The following GAL3ST1 variants were observed in gnomAD, a reference collection of about 807,000 sequenced individuals.
GAL3ST1 encodes galactose-3-O-sulfotransferase 1, also known as galactosylceramide sulfotransferase.
In GAL3ST1, 13 loss-of-function variants were observed where a neutral mutation model predicts 25.0. The observed-to-expected ratio is 0.52, with a 90% CI of 0.34 to 0.83. GAL3ST1 has a LOEUF of 0.83. GAL3ST1 is among the 40% of genes least tolerant of loss of function. The pLI, the probability that GAL3ST1 is intolerant of heterozygous loss-of-function variation, is 0.02. For missense variants in GAL3ST1, 474 were observed against 613.6 expected, an observed-to-expected ratio of 0.77 and a Z score of 2.40; for synonymous variants, 274 against 277.8, an observed-to-expected ratio of 0.99 and a Z score of 0.14.
At chr22:30,570,428 A>G (rs953811697) in intron 1 of GAL3ST1, among the ~76,000 whole-genome samples, 5 of 152,234 alleles carry the variant, frequency 3.3e-5, no homozygotes, top group African/African-American at 1.2e-4. Context: ...CCACTGCAGT[A>G]TCATTTCCTC....
chr22:30,572,306 A>G (rs1389985941), intron 1 of GAL3ST1, among the ~76,000 whole-genome samples: 3 of 152,236 alleles, frequency 2.0e-5, no homozygotes, highest in African/African-American at 7.2e-5. Flanking sequence ...AGGTATTGAC[A>G]CTTGCAATGC....
At position 30,574,641 on chromosome 22, in the gene GAL3ST1, C is replaced by T. The variant is rs1219752288; in HGVS notation, c.-295G>A. 6.8e-6 allele frequency: 1 copy of T among 146,352 alleles called. No individual in the cohort carries two copies. The highest frequency in any genetic ancestry group is 1.5e-5 in the Non-Finnish European group (1 of 65,488). 9.1% of individuals were successfully genotyped at this position (146,352 alleles called of 1,614,324 possible). A position where few individuals can be genotyped will look rare whatever the true frequency, so the allele number is the denominator to read the frequency against. On this transcript the variant is annotated 5_prime_UTR_variant, in exon 1 of 4. Transcript: ENST00000406361. ...CGCCCGCTCCCGCGCCGCGCCCGCT[C>T]CCGGCCAGGTGCCGCCGCCAGCCTG...
At chr22:30,570,003 A>T (rs1387473445) in intron 1 of GAL3ST1, among the ~76,000 whole-genome samples, 1 of 152,070 alleles carries the variant, frequency 6.6e-6, no homozygotes, top group East Asian at 1.9e-4. Context: ...GGACCCCTTG[A>T]ACCCAGAAGT....
At chr22:30,559,716 G>A (rs144143348) in intron 1 of GAL3ST1, among the ~76,000 whole-genome samples, 1 of 152,276 alleles carries the variant, frequency 6.6e-6, no homozygotes, top group African/African-American at 2.4e-5. Flanking sequence ...ATCTAAGCGT[G>A]GCAACCCTAT....
At chr22:30,566,802 G>A (rs1315836943) in intron 1 of GAL3ST1, among the ~76,000 whole-genome samples, 1 of 151,852 alleles carries the variant, frequency 6.6e-6, no homozygotes, top group African/African-American at 2.4e-5. Context: ...GTAGAGACGG[G>A]GTTTCACCGT....
chr22:30,567,333 C>A lies in GAL3ST1; in HGVS notation c.-120+7133G>T, dbSNP rs574189632. Among the ~76,000 whole-genome samples the A allele has an allele frequency of 1.2e-3, 186 of 152,210 alleles. 1 individual carries two copies. Among genetic ancestry groups the A allele is most frequent in the African/African-American group, 4.0e-3 (168 of 41,510 alleles). ...TGTCACCCAGGCTGGAGTACAGTGG[C>A]GTGATCATGACTCACTGCAGCCTCA... On this transcript the variant is annotated intron_variant, in intron 1 of 3. Coordinates refer to ENST00000406361, the MANE Select transcript of GAL3ST1 (RefSeq NM_001318104.2).
rs907670214 is a variant in GAL3ST1, at chr22:30,574,535, G to T, written c.-189C>A. On this transcript the variant is annotated 5_prime_UTR_variant, in exon 1 of 4. Coordinates refer to ENST00000406361, the MANE Select transcript of GAL3ST1 (RefSeq NM_001318104.2). ...GGCCGCGCCGCCCGGGCGCTCACTGGGCGGCGGGGCGCACCCGGCCGGGCC... is the reference window on the plus strand; with the variant it reads ...GGCCGCGCCGCCCGGGCGCTCACTGTGCGGCGGGGCGCACCCGGCCGGGCC... 3 of 147,856 alleles carry T rather than the reference G, an allele frequency of 2.0e-5. No individual in the cohort carries two copies. The highest frequency in any genetic ancestry group is 7.4e-5 in the African/African-American group (3 of 40,770). 9.2% of individuals were successfully genotyped at this position (147,856 alleles called of 1,614,324 possible).
chr22:30,558,028 T>A (rs960890185), intron 2 of GAL3ST1, among the ~76,000 whole-genome samples: 3 of 151,554 alleles, frequency 2.0e-5, no homozygotes, highest in Admixed American at 6.6e-5. Context: ...GCTCAAGCAA[T>A]CCGCCCGCCT....
Position 30,554,829 on chromosome 22 carries a change from C to G in GAL3ST1, c.*124G>C. On this transcript the variant is annotated 3_prime_UTR_variant, in exon 4 of 4. Transcript: ENST00000406361. Reference sequence around the variant, plus strand: ...GGCTGGCTGCCTCCCCCCAGGGAGCCCCCCCTCACCCCGGGGTCTGAGGTG... The same window carrying G: ...GGCTGGCTGCCTCCCCCCAGGGAGCGCCCCCTCACCCCGGGGTCTGAGGTG... The G allele has an allele frequency of 1.4e-6, 1 of 715,630 alleles. No homozygotes were observed. The highest frequency in any genetic ancestry group is 2.2e-6 in the Non-Finnish European group (1 of 456,522). 44.3% of individuals were successfully genotyped at this position (715,630 alleles called of 1,614,324 possible).
At chr22:30,565,446 G>A (rs2146410852) in intron 1 of GAL3ST1, among the ~76,000 whole-genome samples, 2 of 152,298 alleles carry the variant, frequency 1.3e-5, no homozygotes, top group Middle Eastern at 3.4e-3. Flanking sequence ...AAGATGCTGA[G>A]ACACAACCAG....
intron 2 of GAL3ST1, 38 bp downstream of exon 2, chr22:30,558,241 A>C (rs1220863067): frequency 6.6e-6 from 1 of 152,000 alleles, no homozygotes; most frequent in Non-Finnish European, 1.5e-5. Flanking sequence ...TCTACAAAAC[A>C]AAATTTAAAA....
At chr22:30,568,045 G>C (rs2086676373) in intron 1 of GAL3ST1, among the ~76,000 whole-genome samples, 1 of 152,214 alleles carries the variant, frequency 6.6e-6, no homozygotes, top group African/African-American at 2.4e-5. Context: ...TCCAGGACTA[G>C]AGTTCATGAT....
intron 3 of GAL3ST1, among the ~76,000 whole-genome samples, chr22:30,556,473 T>G (rs943345655): frequency 6.6e-6 from 1 of 152,124 alleles, no homozygotes; most frequent in African/African-American, 2.4e-5. Flanking sequence ...CTGTGTCAAG[T>G]TAATATCACC....
chr22:30,557,843 T>C (rs1175473371), intron 2 of GAL3ST1: 1 of 151,946 alleles, frequency 6.6e-6, no homozygotes, highest in Non-Finnish European at 1.5e-5. Context: ...GTATTTTTTA[T>C]AAAAATATAT....
rs1179344770 is a variant in GAL3ST1, at chr22:30,574,593, C to T, written c.-247G>A. The T allele has an allele frequency of 6.8e-6, 1 of 146,146 alleles. No homozygotes were observed. The highest frequency in any genetic ancestry group is 6.8e-5 in the Admixed American group (1 of 14,674). The allele number at this position is 146,146 out of a possible 1,614,324, so 9.1% of individuals were successfully genotyped here. A position where few individuals can be genotyped will look rare whatever the true frequency, so the allele number is the denominator to read the frequency against. On this transcript the variant is annotated 5_prime_UTR_variant, in exon 1 of 4. Coordinates refer to ENST00000406361, the MANE Select transcript of GAL3ST1 (RefSeq NM_001318104.2). ...CCACCAGGCCTGGTCCATGCCCCCG[C>T]CCCCGCCGCCGCTGCCGCGCCGCGC...
At position 30,570,977 on chromosome 22, in the gene GAL3ST1, T is replaced by TACACACACACACACACAC. The variant is rs67031445; in HGVS notation, c.-120+3471_-120+3488dup. ...GGAACATATTTTGATTCTGTGATGA[T>TACACACACACACACACAC]ACACACACACACACACACACACACA... On this transcript the variant is annotated intron_variant, in intron 1 of 3. Transcript: ENST00000406361. 4.8e-5 allele frequency among the ~76,000 whole-genome samples: 7 copies of TACACACACACACACACAC among 146,186 alleles called. No homozygotes were observed. In the East Asian group the frequency reaches 8.2e-4, roughly 17 times the overall value.
rs557365868 is a variant in GAL3ST1 at position 30,557,135 on chromosome 22, TGGTGCAG to T, written c.131+120_131+126del. 1.1e-3 allele frequency: 1,007 copies of T among 877,002 alleles called. 1 individual carries two copies. Among genetic ancestry groups the T allele is most frequent in the Non-Finnish European group, 1.5e-3 (842 of 565,830 alleles). 54.3% of individuals were successfully genotyped at this position (877,002 alleles called of 1,614,324 possible). A position where few individuals can be genotyped will look rare whatever the true frequency, so the allele number is the denominator to read the frequency against. On this transcript the variant is annotated intron_variant, in intron 3 of 3. Transcript: ENST00000406361. ...AGTGGAATTTCTGTCTGGCACAGCATGGTGCAGGGTGCAGGGTGGCTACCCAAGATCA... is the reference window on the plus strand; with the variant it reads ...AGTGGAATTTCTGTCTGGCACAGCATGGTGCAGGGTGGCTACCCAAGATCA...
In GAL3ST1 at chr22:30,555,628, G is replaced by T. The variant is rs1433461125; in HGVS notation, c.597C>A (p.Asp199Glu). ...AGDKLTEFLQ[D>E]PDRYYDPNGF... ...CGTTGGGGTCGTAGTAGCGATCCGG[G>T]TCTTGCAGGAACTCGGTCAGCTTGT... The change falls in exon 4 of 4, where the codon GAC becomes GAA. Residue 199 changes from aspartate (D) to glutamate (E), a missense_variant. Physicochemically the swap from Asp to Glu is conservative, Grantham distance 45. This residue lies in a region of GAL3ST1 where 359 missense variants were observed against 504.4 expected (regional missense o/e 0.71). Transcript: ENST00000406361. This position sits in a 1 kb window ranked among gnomAD's most constrained non-coding sequence, Gnocchi z 8.6. 1 of 1,613,698 alleles carries T rather than the reference G, an allele frequency of 6.2e-7. No homozygotes were observed. The highest frequency in any genetic ancestry group is 1.7e-5 in the Admixed American group (1 of 60,026).
At chr22:30,561,673 G>A (rs1231303930) in intron 1 of GAL3ST1, among the ~76,000 whole-genome samples, 1 of 152,178 alleles carries the variant, frequency 6.6e-6, no homozygotes, top group Non-Finnish European at 1.5e-5. Flanking sequence ...GCAGGAAGTG[G>A]GGGATGTGGG....
Sources: allele counts gnomAD v4.1 joint callset (sites outside exome capture counted in the v4.1 genomes callset), GRCh38; gene constraint gnomAD v4.1.1; regional missense constraint gnomAD v4.1.1; non-coding constraint Gnocchi (gnomAD v3.1); transcripts MANE v1.5; gene names NCBI Gene and HGNC (gene_info 2026-07-23, HGNC 2026-07-21).